MIB1: variants seen among roughly 807,000 people sequenced by gnomAD.
MIB1 encodes E3 ubiquitin-protein ligase MIB1.
A neutral mutation model predicts 124.5 loss-of-function variants in MIB1; 278 were observed. That is an observed-to-expected ratio of 2.23 (90% CI 2.02 to 2.47). MIB1 has a LOEUF of 2.47. MIB1 is among the 30% of genes most tolerant of loss of function. The pLI is 0.00. For missense variants in MIB1, 957 were observed against 1,254.4 expected (o/e 0.76, Z 3.58); for synonymous variants, 446 against 429.4 (o/e 1.04, Z -0.48).
chr18:21,854,543 A>C (rs1001741188), intron 18 of MIB1: 41 of 158,300 alleles, frequency 2.6e-4, no homozygotes, highest in Non-Finnish European at 3.7e-4. Flanking sequence ...CTAGAGCCTT[A>C]ATATAATATT....
intron 1 of MIB1, among the ~76,000 whole-genome samples, chr18:21,747,937 G>T (rs1301055629): frequency 6.6e-6 from 1 of 152,148 alleles, no homozygotes; most frequent in Non-Finnish European, 1.5e-5. Context: ...TGTTATTCTT[G>T]TATCTCCATT....
chr18:21,730,473 C>T (rs1158949997), intron 1 of MIB1, among the ~76,000 whole-genome samples: 3 of 152,090 alleles, frequency 2.0e-5, no homozygotes, highest in African/African-American at 7.2e-5. Flanking sequence ...GAGTCTGAGG[C>T]GGGAGAGTCG....
chr18:21,768,620 TA>T lies in MIB1; in HGVS notation c.402-2del. 1 of 1,527,262 alleles carries T rather than the reference TA, an allele frequency of 6.5e-7. No homozygotes were observed. Among genetic ancestry groups the T allele is most frequent in the Non-Finnish European group, 8.8e-7 (1 of 1,132,758 alleles). 94.6% of individuals were successfully genotyped at this position (1,527,262 alleles called of 1,614,324 possible). ...ACTTGAAAATAAATAATTTTATTTT[TA>T]GGGTTCTGTTAGAGTCTCGTAGGAA... On this transcript the variant is annotated splice_acceptor_variant, in intron 2 of 20. Coordinates refer to ENST00000261537, the MANE Select transcript of MIB1 (RefSeq NM_020774.4). LOFTEE classifies it high-confidence loss of function.
chr18:21,773,586 C>CT, intron 3 of MIB1, 38 bp from the exon 4 acceptor site: 1 of 1,424,782 alleles, frequency 7.0e-7, no homozygotes, highest in Admixed American at 1.9e-5. Flanking sequence ...CTTCCCTCCC[C>CT]TTTAAAAAAC....
chr18:21,822,788 G>T (rs1204358676), intron 12 of MIB1, among the ~76,000 whole-genome samples: 3 of 152,092 alleles, frequency 2.0e-5, no homozygotes, highest in Non-Finnish European at 4.4e-5. Flanking sequence ...ATAACAACCA[G>T]TCTTTTTGGC....
intron 7 of MIB1, 150 bp from the exon 8 acceptor site, chr18:21,797,934 A>G: frequency 1.6e-6 from 1 of 616,444 alleles, no homozygotes; most frequent in Non-Finnish European, 2.8e-6. Context: ...ATTTGTACTT[A>G]TTCAAATAAC....
intron 1 of MIB1, among the ~76,000 whole-genome samples, chr18:21,724,566 G>A (rs1405873460): frequency 1.3e-5 from 2 of 150,216 alleles, no homozygotes; most frequent in Non-Finnish European, 3.0e-5. Context: ...TTAGCCGGGC[G>A]TGGTGGCATA....
rs1283862905 is a variant in MIB1 at position 21,819,592 on chromosome 18, C to A, written c.1775C>A (p.Thr592Lys). Residue 592 changes from threonine (T) to lysine (K), a missense_variant, in exon 12 of 21, where the codon ACA becomes AAA. Physicochemically the swap from Thr to Lys is moderately conservative, Grantham distance 78. Transcript: ENST00000261537. ...GAAGCTGGAGCAGATGTTACCATCA[C>A]AAACAATAATGGATTTAATGCTCTG... ...LLEAGADVTI[T>K]NNNGFNALHH... 6.2e-7 allele frequency: 1 copy of A among 1,611,874 alleles called. No homozygotes were observed. The highest frequency in any genetic ancestry group is 1.7e-5 in the Admixed American group (1 of 59,812).
At chr18:21,811,817 G>C (rs887055663) in intron 10 of MIB1, among the ~76,000 whole-genome samples, 3 of 152,122 alleles carry the variant, frequency 2.0e-5, no homozygotes, top group Non-Finnish European at 1.5e-5. Flanking sequence ...TGGTTGCACA[G>C]TGATATGAAT....
intron 12 of MIB1, among the ~76,000 whole-genome samples, chr18:21,832,485 G>T (rs1039454637): frequency 9.2e-5 from 14 of 152,004 alleles, no homozygotes; most frequent in African/African-American, 3.4e-4. Context: ...TAATCAAAGA[G>T]AAAAAATATT....
At chr18:21,774,843 C>T (rs891876765) in intron 4 of MIB1, among the ~76,000 whole-genome samples, 8 of 150,664 alleles carry the variant, frequency 5.3e-5, no homozygotes, top group Non-Finnish European at 7.4e-5. Context: ...GGCAGAGTCT[C>T]GCTGTGTCTC....
In MIB1 at chr18:21,778,163, G is replaced by C; in HGVS notation, c.697G>C (p.Val233Leu). Residue 233 changes from valine to leucine, a missense_variant, in exon 5 of 21, where the codon GTG (valine) becomes CTG (leucine). Physicochemically the swap from Val to Leu is conservative, Grantham distance 32. Transcript: ENST00000261537. ...TTCTTTCTACAGAGATCACTGCCCT[G>C]TGCTAGGTGAGTGAGAAGATTAGAG... ...GGSFYRDHCPVLGEQNGNRNP... is the reference protein window; with the variant it reads ...GGSFYRDHCPLLGEQNGNRNP... The C allele has an allele frequency of 1.2e-6, 2 of 1,600,364 alleles. No individual in the cohort carries two copies. The highest frequency in any genetic ancestry group is 1.7e-6 in the Non-Finnish European group (2 of 1,167,952).
chr18:21,857,987 G>A (rs888176540), intron 19 of MIB1, among the ~76,000 whole-genome samples: 1 of 152,156 alleles, frequency 6.6e-6, no homozygotes, highest in Non-Finnish European at 1.5e-5. Context: ...TAGAGAATAG[G>A]AAAAGTGAAA....
At chr18:21,824,287 T>C (rs569341089) in intron 12 of MIB1, among the ~76,000 whole-genome samples, 50 of 152,242 alleles carry the variant, frequency 3.3e-4, no homozygotes, top group African/African-American at 1.2e-3. Flanking sequence ...AAGACACATA[T>C]TACAAATCTT....
intron 1 of MIB1, among the ~76,000 whole-genome samples, chr18:21,706,092 G>GT (rs1054395374): frequency 3.3e-5 from 5 of 151,646 alleles, no homozygotes; most frequent in African/African-American, 1.2e-4. Context: ...GTTTTGTTTT[G>GT]TTTTTTGAGA....
intron 3 of MIB1, among the ~76,000 whole-genome samples, chr18:21,769,149 A>G (rs1371233641): frequency 6.6e-6 from 1 of 152,186 alleles, no homozygotes; most frequent in African/African-American, 2.4e-5. Context: ...ACAGTGGGCA[A>G]TTATGCTGTT....
At chr18:21,786,580 G>A (rs1216217343) in intron 6 of MIB1, among the ~76,000 whole-genome samples, 1 of 150,856 alleles carries the variant, frequency 6.6e-6, no homozygotes, top group Non-Finnish European at 1.5e-5. Context: ...CATTGACTCA[G>A]TTTTGCTTTT....
In MIB1 at chr18:21,779,485, G is replaced by A; in HGVS notation, c.708G>A (p.Glu236=). The A allele has an allele frequency of 6.2e-7, 1 of 1,613,946 alleles. No individual in the cohort carries two copies. The highest frequency in any genetic ancestry group is 1.7e-5 in the Admixed American group (1 of 60,030). Residue 236 remains glutamate (E), a synonymous_variant, in exon 6 of 21, where the codon GAG becomes GAA. Coordinates refer to ENST00000261537, the MANE Select transcript of MIB1 (RefSeq NM_020774.4). ...CAATTGCCTCTGAAATTACAGGTGAGCAGAATGGCAACAGGAATCCTGGTG... is the reference window on the plus strand; with the variant it reads ...CAATTGCCTCTGAAATTACAGGTGAACAGAATGGCAACAGGAATCCTGGTG... The part of the protein sequence containing the change: ...FYRDHCPVLG[E]QNGNRNPGGL...
chr18:21,784,371 C>G (rs1269126888), intron 6 of MIB1, among the ~76,000 whole-genome samples: 1 of 152,072 alleles, frequency 6.6e-6, no homozygotes, highest in African/African-American at 2.4e-5. Context: ...TTCAGTTTAT[C>G]TACTATACGT....
Sources: allele counts gnomAD v4.1 joint callset (sites outside exome capture counted in the v4.1 genomes callset), GRCh38; gene constraint gnomAD v4.1.1; transcripts MANE v1.5; gene names NCBI Gene and HGNC (gene_info 2026-07-23, HGNC 2026-07-21).